Variants in PLEKHA5 observed in about 807,000 individuals in gnomAD.
PLEKHA5 encodes pleckstrin homology domain-containing family A member 5.
A neutral mutation model predicts 181.9 loss-of-function variants in PLEKHA5; 55 were observed. The ratio of observed to expected loss-of-function variants is 0.30; its 90% CI spans 0.24 to 0.38. The LOEUF (loss-of-function observed/expected upper bound fraction) is 0.38. Ranked by LOEUF, PLEKHA5 falls within the 10% of genes least tolerant of loss-of-function variation. The pLI is 1.00. For synonymous variants in PLEKHA5, 535 were observed against 529.4 expected (o/e 1.01, Z -0.15); for missense variants, 1,432 against 1,549.5 (o/e 0.92, Z 1.27).
intron 16 of PLEKHA5, among the ~76,000 whole-genome samples, chr12:19,317,228 A>T (rs148367537): frequency 2.0e-5 from 3 of 152,116 alleles, no homozygotes; most frequent in African/African-American, 7.2e-5. Flanking sequence ...TTAGCCAGGC[A>T]TGGTGGCACA....
intron 29 of PLEKHA5, 103 bp downstream of exon 29, chr12:19,361,809 C>T: frequency 2.1e-6 from 2 of 949,954 alleles, no homozygotes; most frequent in Non-Finnish European, 3.3e-6. Context: ...CCCAGCTTAG[C>T]TACCTAGGAG....
intron 21 of PLEKHA5, among the ~76,000 whole-genome samples, chr12:19,342,495 A>T (rs952266483): frequency 6.6e-6 from 1 of 152,134 alleles, no homozygotes; most frequent in African/African-American, 2.4e-5. Flanking sequence ...CATCTCTACT[A>T]AAAATACAAA....
Position 19,257,554 on chromosome 12 carries a change from G to C in PLEKHA5, c.537+17G>C. On this transcript the variant is annotated intron_variant, in intron 6 of 31. Coordinates refer to ENST00000429027, the MANE Select transcript of PLEKHA5 (RefSeq NM_001256470.2). ...TATAAACAGGTATTTTTTTTTTTTT[G>C]ATATGAAACAAAAGACAGAATTAGA... 1 of 1,104,700 alleles carries C rather than the reference G, an allele frequency of 9.1e-7. No individual in the cohort carries two copies. Among genetic ancestry groups the C allele is most frequent in the Non-Finnish European group, 1.3e-6 (1 of 742,792 alleles). 68.4% of individuals were successfully genotyped at this position (1,104,700 alleles called of 1,614,324 possible).
intron 3 of PLEKHA5, among the ~76,000 whole-genome samples, chr12:19,237,711 AT>A: frequency 6.6e-6 from 1 of 152,022 alleles, no homozygotes; most frequent in African/African-American, 2.4e-5. Flanking sequence ...AAGTTTCTTA[AT>A]TTTTTAAAGA....
At chr12:19,170,185 A>G (rs2045560960) in intron 3 of PLEKHA5, among the ~76,000 whole-genome samples, 1 of 152,154 alleles carries the variant, frequency 6.6e-6, no homozygotes, top group Admixed American at 6.5e-5. Context: ...TCTCTTACCT[A>G]TTTTCATTCG....
intron 2 of PLEKHA5, among the ~76,000 whole-genome samples, chr12:19,131,655 T>C (rs1199156844): frequency 6.6e-6 from 1 of 152,198 alleles, no homozygotes; most frequent in African/African-American, 2.4e-5. Context: ...AAAAATTTTA[T>C]TCTTTTATGT....
At chr12:19,319,709 G>C (rs2090117812) in intron 16 of PLEKHA5, 1 of 187,012 alleles carries the variant, frequency 5.3e-6, no homozygotes, top group Non-Finnish European at 1.1e-5. Context: ...GTGAAGTATT[G>C]CCTGCAGAGG....
At chr12:19,260,581 G>A (rs2068175508) in intron 6 of PLEKHA5, among the ~76,000 whole-genome samples, 1 of 152,130 alleles carries the variant, frequency 6.6e-6, no homozygotes, top group Admixed American at 6.6e-5. Flanking sequence ...ACAAGGCCAG[G>A]AACAGTGGCT....
intron 3 of PLEKHA5, chr12:19,200,218 C>G (rs1158424633): frequency 1.4e-6 from 1 of 729,184 alleles, no homozygotes; most frequent in East Asian, 2.7e-5. Flanking sequence ...ACTTTCCATG[C>G]AGCAACAAAA....
At chr12:19,245,399 C>T (rs530569491) in intron 3 of PLEKHA5, among the ~76,000 whole-genome samples, 4 of 152,116 alleles carry the variant, frequency 2.6e-5, no homozygotes, top group African/African-American at 9.6e-5. Flanking sequence ...CATAGTAGTC[C>T]CACTTATTTT....
At chr12:19,255,335 T>TC (rs2066579105) in intron 5 of PLEKHA5, among the ~76,000 whole-genome samples, 170 bp downstream of exon 5, 1 of 152,140 alleles carries the variant, frequency 6.6e-6, no homozygotes, top group South Asian at 2.1e-4. Context: ...AATAAGATTG[T>TC]AATTCAGTGA....
At chr12:19,213,440 C>A (rs1049588338) in intron 3 of PLEKHA5, among the ~76,000 whole-genome samples, 7 of 152,056 alleles carry the variant, frequency 4.6e-5, no homozygotes, top group African/African-American at 1.7e-4. Context: ...ATGTGAGGTG[C>A]TTGGGGGCAG....
intron 15 of PLEKHA5, among the ~76,000 whole-genome samples, chr12:19,302,199 C>T (rs2081674786): frequency 6.6e-6 from 1 of 152,146 alleles, no homozygotes. Flanking sequence ...AGGAAAAAGT[C>T]CCTTTTTCTC....
intron 2 of PLEKHA5, among the ~76,000 whole-genome samples, chr12:19,132,148 A>G (rs1053540098): frequency 2.0e-5 from 3 of 152,076 alleles, no homozygotes; most frequent in African/African-American, 7.2e-5. Context: ...TCTCCACCCT[A>G]ATATATTACA....
chr12:19,229,370 G>A (rs2060127337), intron 3 of PLEKHA5, among the ~76,000 whole-genome samples: 2 of 152,154 alleles, frequency 1.3e-5, no homozygotes, highest in Admixed American at 1.3e-4. Context: ...TCCAGAGTTT[G>A]TTCCTTCTGA....
At chr12:19,254,094 T>G (rs2066164803) in intron 4 of PLEKHA5, 71 bp downstream of exon 4, 1 of 898,538 alleles carries the variant, frequency 1.1e-6, no homozygotes. Context: ...TTATTTATAT[T>G]TCAATTTAGC....
chr12:19,191,446 G>T (rs920414221), intron 3 of PLEKHA5, among the ~76,000 whole-genome samples: 3 of 152,160 alleles, frequency 2.0e-5, no homozygotes, highest in African/African-American at 7.2e-5. Flanking sequence ...TCACTACCAT[G>T]CGGCCTAATT....
chr12:19,251,121 G>A (rs1459381841), intron 3 of PLEKHA5, among the ~76,000 whole-genome samples: 1 of 152,118 alleles, frequency 6.6e-6, no homozygotes, highest in Non-Finnish European at 1.5e-5. Context: ...GTTGAAAGCT[G>A]TAGGCCTGGT....
chr12:19,358,079 C>T, intron 26 of PLEKHA5, 149 bp from the exon 27 acceptor site: 1 of 613,870 alleles, frequency 1.6e-6, no homozygotes, highest in Non-Finnish European at 2.8e-6. Flanking sequence ...ATTTCATGTG[C>T]CTTTCTGGTG....
Sources: allele counts gnomAD v4.1 joint callset (sites outside exome capture counted in the v4.1 genomes callset), GRCh38; gene constraint gnomAD v4.1.1; transcripts MANE v1.5; gene names NCBI Gene and HGNC (gene_info 2026-07-23, HGNC 2026-07-21).